The following MKLN1 variants were observed in gnomAD, a reference collection of about 807,000 sequenced individuals.
MKLN1 encodes the protein muskelin 1, also known as muskelin.
A neutral mutation model predicts 99.0 loss-of-function variants in MKLN1; 18 were observed. The ratio of observed to expected loss-of-function variants is 0.18; its 90% CI spans 0.13 to 0.27. The LOEUF (loss-of-function observed/expected upper bound fraction) is 0.27, where lower values mean the gene tolerates loss of function less well. MKLN1 is among the 10% of genes least tolerant of loss of function. MKLN1 has a pLI of 1.00. For synonymous variants in MKLN1, 288 were observed against 293.2 expected (o/e 0.98, Z 0.18); for missense variants, 621 against 875.9 (o/e 0.71, Z 3.67).
chr7:131,171,415 GTT>G (rs372655518), intron 2 of MKLN1, among the ~76,000 whole-genome samples: 40 of 152,162 alleles, frequency 2.6e-4, no homozygotes, highest in African/African-American at 8.7e-4. Context: ...GGGACTTTCA[GTT>G]TTTACTGTAT....
chr7:131,478,197 A>T (rs1248415011), intron 16 of MKLN1, among the ~76,000 whole-genome samples: 1 of 152,210 alleles, frequency 6.6e-6, no homozygotes, highest in Non-Finnish European at 1.5e-5. Flanking sequence ...CAGCTGAGAC[A>T]TCAGGTATTT....
chr7:131,312,980 A>G (rs1013569286), intron 3 of MKLN1, among the ~76,000 whole-genome samples: 4 of 152,210 alleles, frequency 2.6e-5, no homozygotes, highest in African/African-American at 9.7e-5. Context: ...CTCAGAATCT[A>G]AAGGCTCAAA....
intron 2 of MKLN1, among the ~76,000 whole-genome samples, chr7:131,175,029 CAGATGGATGGATGGAT>C (rs1167885313): frequency 2.8e-5 from 3 of 105,838 alleles, no homozygotes; most frequent in Non-Finnish European, 3.9e-5. Context: ...TATAGATAGG[CAGATGGATGGATGGAT>C]GGATGGATGG....
intron 2 of MKLN1, among the ~76,000 whole-genome samples, chr7:131,380,136 A>AAGTCC (rs1201072259): frequency 6.6e-6 from 1 of 152,194 alleles, no homozygotes; most frequent in East Asian, 1.9e-4. Context: ...ACAGGGAGTG[A>AAGTCC]AGTCCAGTTT....
chr7:131,128,903 T>A (rs77760800), intron 1 of MKLN1, among the ~76,000 whole-genome samples: 2 of 53,350 alleles, frequency 3.7e-5, no homozygotes, highest in Admixed American at 1.5e-4. Flanking sequence ...CCTATTTTTT[T>A]TTTTTTTTTT....
intron 3 of MKLN1, among the ~76,000 whole-genome samples, chr7:131,244,431 C>A (rs1012286917): frequency 6.6e-6 from 1 of 152,228 alleles, no homozygotes; most frequent in South Asian, 2.1e-4. Context: ...TGGCCCCCAC[C>A]ACCTCCCCTC....
Position 131,490,423 on chromosome 7 carries a change from A to G in MKLN1, c.*2695A>G, listed in dbSNP as rs1399844442. 3 of 152,628 alleles carry G rather than the reference A, an allele frequency of 2.0e-5. No homozygotes were observed. The highest frequency in any genetic ancestry group is 2.0e-4 in the Admixed American group (3 of 15,270). The allele number at this position is 152,628 out of a possible 1,614,324, so 9.5% of individuals were successfully genotyped here. ...TTTCAGTGCTTGTACTTCATGAGAA[A>G]TAATCTGATTTTCAAGACACCTCTT... On this transcript the variant is annotated 3_prime_UTR_variant, in exon 18 of 18. Coordinates refer to ENST00000352689, the MANE Select transcript of MKLN1 (RefSeq NM_013255.5).
At position 131,437,767 on chromosome 7, in the gene MKLN1, T is replaced by TTCTC; in HGVS notation, c.961-8_961-5dup. 2 of 1,536,084 alleles carry TTCTC rather than the reference T, an allele frequency of 1.3e-6. No individual in the cohort carries two copies. The highest frequency in any genetic ancestry group is 1.8e-6 in the Non-Finnish European group (2 of 1,118,414). Reference sequence around the variant, plus strand: ...CTCTTTATTTGTTTATTTATTTATTTTCTCTCTCTCTCTACAGAATGGTCC... The same window carrying TTCTC: ...CTCTTTATTTGTTTATTTATTTATTTTCTCTCTCTCTCTCTCTACAGAATGGTCC... On this transcript the variant is annotated splice_polypyrimidine_tract_variant and intron_variant, in intron 9 of 17. Coordinates refer to ENST00000352689, the MANE Select transcript of MKLN1 (RefSeq NM_013255.5).
At chr7:131,473,067 G>T (rs561696539) in intron 16 of MKLN1, among the ~76,000 whole-genome samples, 14 of 151,946 alleles carry the variant, frequency 9.2e-5, no homozygotes, top group Admixed American at 5.9e-4. Context: ...CTGGTCCATA[G>T]TATTAATATT....
At chr7:131,124,820 C>T (rs995428354) in intron 1 of MKLN1, among the ~76,000 whole-genome samples, 2 of 152,214 alleles carry the variant, frequency 1.3e-5, no homozygotes, top group African/African-American at 4.8e-5. Context: ...ATTCTGCTGC[C>T]TACACCCCTG....
chr7:131,412,755 G>A (rs550758054), intron 7 of MKLN1, among the ~76,000 whole-genome samples: 3 of 152,292 alleles, frequency 2.0e-5, no homozygotes, highest in Non-Finnish European at 4.4e-5. Flanking sequence ...TAATGCAACT[G>A]TTTGTGTTAA....
intron 3 of MKLN1, among the ~76,000 whole-genome samples, chr7:131,301,748 T>C (rs1301993880): frequency 6.6e-6 from 1 of 152,178 alleles, no homozygotes; most frequent in African/African-American, 2.4e-5. Flanking sequence ...ATCTAGGATT[T>C]GCTATCACCA....
intron 17 of MKLN1, chr7:131,478,937 A>G: frequency 1.9e-6 from 1 of 519,078 alleles, no homozygotes; most frequent in Non-Finnish European, 3.4e-6. Context: ...CACAGTCAAA[A>G]TAAATTAATT....
At chr7:131,350,070 A>G (rs1164915593) in intron 1 of MKLN1, among the ~76,000 whole-genome samples, 1 of 152,162 alleles carries the variant, frequency 6.6e-6, no homozygotes, top group African/African-American at 2.4e-5. Context: ...GGCCATTGAC[A>G]TTCTGTAATT....
chr7:131,175,733 C>G (rs1426694211), intron 2 of MKLN1, among the ~76,000 whole-genome samples: 1 of 152,198 alleles, frequency 6.6e-6, no homozygotes, highest in African/African-American at 2.4e-5. Context: ...AACCCCGTCT[C>G]TACTAAAAAT....
chr7:131,442,530 A>G (rs1207987777), intron 10 of MKLN1, among the ~76,000 whole-genome samples: 2 of 152,324 alleles, frequency 1.3e-5, no homozygotes, highest in African/African-American at 4.8e-5. Flanking sequence ...CTGGGCAACA[A>G]GAGTGAAATT....
intron 1 of MKLN1, among the ~76,000 whole-genome samples, chr7:131,346,916 G>C (rs1351192832): frequency 6.6e-6 from 1 of 152,200 alleles, no homozygotes; most frequent in Admixed American, 6.5e-5. Context: ...AAAGCAAAAA[G>C]ATAAGGAAAA....
intron 3 of MKLN1, among the ~76,000 whole-genome samples, chr7:131,297,731 A>G (rs545432736): frequency 2.7e-4 from 41 of 152,320 alleles, no homozygotes; most frequent in Non-Finnish European, 1.0e-4. Flanking sequence ...GGTTGTGTGC[A>G]GGGTAAATTG....
In MKLN1 at chr7:131,327,912, G is replaced by A. The variant is rs769428800; in HGVS notation, c.13G>A (p.Gly5Arg). The A allele has an allele frequency of 6.2e-7, 1 of 1,612,568 alleles. No homozygotes were observed. Among genetic ancestry groups the A allele is most frequent in the East Asian group, 2.2e-5 (1 of 44,844 alleles). ...CGGTGCTGACAAGATGGCGGCTGGC[G>A]GAGCTGTCGCTGCGGCGCCCGAGTG... MAAG[G>R]AVAAAPECRL... Residue 5 changes from glycine (G) to arginine (R), a missense_variant, in exon 1 of 18, where the codon GGA becomes AGA. By Grantham distance (125) the Gly-to-Arg change is moderately radical (BLOSUM62 -2). This residue lies in a region of MKLN1 where 58 missense variants were observed against 40.0 expected (regional missense o/e 1.45). Coordinates refer to ENST00000352689, the MANE Select transcript of MKLN1 (RefSeq NM_013255.5).
Sources: allele counts gnomAD v4.1 joint callset (sites outside exome capture counted in the v4.1 genomes callset), GRCh38; gene constraint gnomAD v4.1.1; regional missense constraint gnomAD v4.1.1; transcripts MANE v1.5; gene names NCBI Gene and HGNC (gene_info 2026-07-23, HGNC 2026-07-21).